TBCEL: variants seen among roughly 807,000 people sequenced by gnomAD.
The protein encoded by TBCEL is tubulin-specific chaperone cofactor E-like protein.
Under a neutral mutation model 44.2 loss-of-function variants are expected in TBCEL, and 15 were observed. The observed-to-expected ratio is 0.34, with a 90% confidence interval of 0.23 to 0.52. TBCEL has a LOEUF of 0.52. Ranked by LOEUF, TBCEL falls within the 20% of genes least tolerant of loss-of-function variation. The pLI is 0.95. For synonymous variants in TBCEL, 171 were observed against 185.4 expected (o/e 0.92, Z 0.63); for missense variants, 319 against 506.3 (o/e 0.63, Z 3.55).
intron 6 of TBCEL, chr11:121,057,739 A>T (rs2134955934): frequency 2.6e-6 from 1 of 385,880 alleles, no homozygotes; most frequent in Admixed American, 3.0e-5. Flanking sequence ...AGTATGCAGG[A>T]GGGTTTGTGT....
intron 1 of TBCEL, among the ~76,000 whole-genome samples, chr11:121,032,218 T>C (rs1204131759): frequency 1.3e-5 from 2 of 152,218 alleles, no homozygotes; most frequent in Non-Finnish European, 2.9e-5. Flanking sequence ...TCTAGTGATC[T>C]CTGTGCTGCT....
chr11:121,025,296 C>CT (rs1342511151), intron 1 of TBCEL, among the ~76,000 whole-genome samples: 6 of 152,052 alleles, frequency 3.9e-5, no homozygotes, highest in Non-Finnish European at 1.5e-5. Context: ...TTCCAGTAGT[C>CT]TATCTTGAGC....
intron 1 of TBCEL, among the ~76,000 whole-genome samples, chr11:121,031,662 C>CTT (rs1159376351): frequency 2.0e-3 from 200 of 101,804 alleles, no homozygotes; most frequent in African/African-American, 2.6e-3. Flanking sequence ...TTTTTTCTTT[C>CTT]TTTTTTTTTT....
At chr11:121,046,399 G>A (rs979326784) in intron 3 of TBCEL, among the ~76,000 whole-genome samples, 9 of 152,164 alleles carry the variant, frequency 5.9e-5, no homozygotes, top group Admixed American at 2.6e-4. Context: ...ATTTTTGCTT[G>A]TCTTTTAGCT....
intron 8 of TBCEL, among the ~76,000 whole-genome samples, chr11:121,061,831 G>T (rs532068738): frequency 2.1e-4 from 32 of 152,180 alleles, no homozygotes; most frequent in African/African-American, 7.7e-4. Flanking sequence ...CACTACTATA[G>T]ACTTTATCAA....
chr11:121,048,402 C>T (rs1194618085), intron 4 of TBCEL, among the ~76,000 whole-genome samples: 1 of 151,818 alleles, frequency 6.6e-6, no homozygotes, highest in Admixed American at 6.6e-5. Context: ...AGTTTTGTAA[C>T]ATTCTCTTAT....
Position 121,053,572 on chromosome 11 carries a change from G to A in TBCEL, c.295G>A (p.Val99Ile), listed in dbSNP as rs769827193. 1.9e-6 allele frequency: 3 copies of A among 1,612,028 alleles called. No individual in the cohort carries two copies. The South Asian group carries it at 3.3e-5, about 18-fold the overall frequency. Residue 99 changes from valine to isoleucine, a missense_variant, in exon 5 of 9, where the codon GTT becomes ATT. Coordinates refer to ENST00000683345, the MANE Select transcript of TBCEL (RefSeq NM_001363644.2). ...WHEVSKIVSN[V>I]PQLEFLNLSS... ...TTAGGTCAGTAAAATTGTGTCAAAT[G>A]TTCCTCAGTTGGAGTTTCTAAACCT...
In TBCEL at chr11:121,047,594, A is replaced by G. The variant is rs1336710066; in HGVS notation, c.200A>G (p.Lys67Arg). ...SCGITCAGDE[K>R]EIAAFCAHVS... ...GGAATAACCTGTGCAGGAGATGAAA[A>G]AGAAATTGCTGCTTTCTGCGCTCAT... is the stretch of plus-strand genomic sequence containing the variant. Residue 67 changes from lysine (K) to arginine (R), a missense_variant, in exon 4 of 9, where the codon AAA (lysine) becomes AGA (arginine). Transcript: ENST00000683345. 5 of 1,612,780 alleles carry G rather than the reference A, an allele frequency of 3.1e-6. No individual in the cohort carries two copies. The highest frequency in any genetic ancestry group is 4.2e-6 in the Non-Finnish European group (5 of 1,179,266).
At chr11:121,065,203 A>G (rs925942579) in intron 8 of TBCEL, among the ~76,000 whole-genome samples, 1 of 152,212 alleles carries the variant, frequency 6.6e-6, no homozygotes, top group African/African-American at 2.4e-5. Flanking sequence ...AATTAACCCT[A>G]CTGAGCATGC....
intron 8 of TBCEL, among the ~76,000 whole-genome samples, chr11:121,063,159 C>A (rs1248644966): frequency 6.6e-6 from 1 of 152,052 alleles, no homozygotes; most frequent in Non-Finnish European, 1.5e-5. Flanking sequence ...TGTATTCATA[C>A]CCCATCTCAA....
At chr11:121,045,619 C>G in intron 2 of TBCEL, 55 bp from the exon 3 acceptor site, 2 of 1,411,374 alleles carry the variant, frequency 1.4e-6, no homozygotes, top group Non-Finnish European at 1.9e-6. Context: ...ATAAATACTT[C>G]TTATGTGAGT....
intron 1 of TBCEL, chr11:121,035,686 T>G (rs1945219285): frequency 6.6e-6 from 1 of 152,172 alleles, no homozygotes; most frequent in Non-Finnish European, 1.5e-5. Flanking sequence ...GGGGGTAATC[T>G]GTTCTGTAAA....
chr11:121,078,899 TA>T (rs969685905), intron 8 of TBCEL, among the ~76,000 whole-genome samples: 25 of 152,358 alleles, frequency 1.6e-4, no homozygotes, highest in Non-Finnish European at 2.8e-4. Context: ...TATCAATTTT[TA>T]CTCTATGTTT....
rs78898111 is a variant in TBCEL at position 121,087,581 on chromosome 11, A to T, written c.*485A>T. The T allele has an allele frequency of 0.017, 2,597 of 148,546 alleles. 74 individuals are homozygous for T. Among genetic ancestry groups the T allele is most frequent in the African/African-American group, 0.061 (2,449 of 39,998 alleles). 9.2% of individuals were successfully genotyped at this position (148,546 alleles called of 1,614,324 possible). On this transcript the variant is annotated 3_prime_UTR_variant, in exon 9 of 9. Transcript: ENST00000683345. ...TCCTTGGCTTTTTTGGTTCAGTTCC[A>T]TTTTTTTTTCATTTTGACATGTGGT...
intron 5 of TBCEL, 74 bp downstream of exon 5, chr11:121,053,806 C>G (rs1407317866): frequency 6.9e-7 from 1 of 1,449,216 alleles, no homozygotes; most frequent in Non-Finnish European, 9.3e-7. Flanking sequence ...CTGCTGATCT[C>G]CCACGCAAGA....
intron 1 of TBCEL, among the ~76,000 whole-genome samples, chr11:121,029,241 C>T (rs1193826445): frequency 2.0e-5 from 3 of 152,102 alleles, no homozygotes; most frequent in Non-Finnish European, 4.4e-5. Context: ...CCTTTGTGTA[C>T]ATTTGTCTTT....
At chr11:121,083,086 C>G (rs182743352) in intron 8 of TBCEL, among the ~76,000 whole-genome samples, 95 of 152,274 alleles carry the variant, frequency 6.2e-4, no homozygotes, top group African/African-American at 2.3e-3. Context: ...ATGTATTTTT[C>G]AGCTTTTCAG....
intron 8 of TBCEL, among the ~76,000 whole-genome samples, chr11:121,082,260 G>T (rs957872497): frequency 3.3e-5 from 5 of 152,226 alleles, no homozygotes; most frequent in African/African-American, 1.2e-4. Context: ...CAATGTGTCT[G>T]CAGGGCTGTT....
Position 121,088,847 on chromosome 11 carries a change from G to T in TBCEL, c.*1751G>T, listed in dbSNP as rs1946253151. The T allele has an allele frequency of 6.6e-6, 1 of 152,126 alleles. No homozygotes were observed. The highest frequency in any genetic ancestry group is 6.6e-5 in the Admixed American group (1 of 15,266). The allele number at this position is 152,126 out of a possible 1,614,324, so 9.4% of individuals were successfully genotyped here. On this transcript the variant is annotated 3_prime_UTR_variant, in exon 9 of 9. Coordinates refer to ENST00000683345, the MANE Select transcript of TBCEL (RefSeq NM_001363644.2). ...AATCTACATTCAGTGTAACATTAAA[G>T]GTGGAAACCAAAGGGTTTGAGAAAG...
Sources: gnomAD v4.1 joint callset for allele counts (sites outside exome capture counted in the v4.1 genomes callset) on GRCh38, gnomAD v4.1.1 for gene constraint, MANE v1.5 for transcripts, NCBI Gene and HGNC (gene_info 2026-07-23, HGNC 2026-07-21) for gene names.